The following DENND4B variants were observed in gnomAD, a reference collection of about 807,000 sequenced individuals.
DENND4B encodes the protein DENN domain-containing protein 4B.
Under a neutral mutation model 161.0 loss-of-function variants are expected in DENND4B, and 67 were observed. The observed-to-expected ratio is 0.42, with a 90% confidence interval of 0.34 to 0.51. The LOEUF (loss-of-function observed/expected upper bound fraction) is 0.51. Among genes scored for constraint, DENND4B ranks in the 20% least tolerant of loss-of-function variants. The pLI is 0.08. For missense variants in DENND4B, 1,481 were observed against 1,968.0 expected (o/e 0.75, Z 4.68); for synonymous variants, 753 against 813.8 (o/e 0.93, Z 1.27).
Position 153,933,098 on chromosome 1 carries a change from C to A in DENND4B, c.3454-68G>T. 1 of 1,610,190 alleles carries A rather than the reference C, an allele frequency of 6.2e-7. No individual in the cohort carries two copies. The highest frequency in any genetic ancestry group is 1.1e-5 in the South Asian group (1 of 90,882). On this transcript the variant is annotated intron_variant, in intron 21 of 27. Coordinates refer to ENST00000361217, the MANE Select transcript of DENND4B (RefSeq NM_014856.3). This position sits in a 1 kb window ranked among gnomAD's most constrained non-coding sequence, Gnocchi z 5.7. ...CAGCACTCTGGAGCCCATGCCCCTT[C>A]CCCAGCCCCTCCCACCTCCTCCCCA...
Position 153,946,300 on chromosome 1 carries a change from C to T in DENND4B, c.-24+1G>A. On this transcript the variant is annotated splice_donor_variant, in intron 1 of 27. Transcript: ENST00000361217. LOFTEE classifies it low-confidence loss of function (5UTR_SPLICE). The surrounding 1 kb of genome is among the most constrained non-coding windows in gnomAD (Gnocchi z 6.3). Reference sequence around the variant, plus strand: ...CCCAGCCCGGTCCAGCCCCTACCTGCCTGTCCCGCGCTTCCCGGCCGGCCG... The same window carrying T: ...CCCAGCCCGGTCCAGCCCCTACCTGTCTGTCCCGCGCTTCCCGGCCGGCCG... The T allele has an allele frequency of 2.8e-6, 1 of 355,554 alleles. No individual in the cohort carries two copies. The highest frequency in any genetic ancestry group is 5.0e-6 in the Non-Finnish European group (1 of 198,074). 22.0% of individuals were successfully genotyped at this position (355,554 alleles called of 1,614,324 possible).
Position 153,936,507 on chromosome 1 carries a change from G to A in DENND4B, c.2439+35C>T. On this transcript the variant is annotated intron_variant, in intron 16 of 27. Coordinates refer to ENST00000361217, the MANE Select transcript of DENND4B (RefSeq NM_014856.3). The surrounding 1 kb of genome is among the most constrained non-coding windows in gnomAD (Gnocchi z 4.1). ...TCTCCAGCTGCACAAGGCTCACTGGGCCTGGGTATGAGCATGGTCACATAG... is the reference window on the plus strand; with the variant it reads ...TCTCCAGCTGCACAAGGCTCACTGGACCTGGGTATGAGCATGGTCACATAG... 1 of 1,523,820 alleles carries A rather than the reference G, an allele frequency of 6.6e-7. No individual in the cohort carries two copies. The allele number at this position is 1,523,820 out of a possible 1,614,324, so 94.4% of individuals were successfully genotyped here. A position where few individuals can be genotyped will look rare whatever the true frequency, so the allele number is the denominator to read the frequency against.
In DENND4B at chr1:153,933,080, C is replaced by T; in HGVS notation, c.3454-50G>A. 1 of 1,610,706 alleles carries T rather than the reference C, an allele frequency of 6.2e-7. No individual in the cohort carries two copies. Among genetic ancestry groups the T allele is most frequent in the Non-Finnish European group, 8.5e-7 (1 of 1,177,706 alleles). ...TAGGTGCTGTCTGGCCGCCAGCACT[C>T]TGGAGCCCATGCCCCTTCCCCAGCC... On this transcript the variant is annotated intron_variant, in intron 21 of 27. Coordinates refer to ENST00000361217, the MANE Select transcript of DENND4B (RefSeq NM_014856.3). This position sits in a 1 kb window ranked among gnomAD's most constrained non-coding sequence, Gnocchi z 5.7.
intron 1 of DENND4B, chr1:153,945,182 A>C (rs1322237032): frequency 1.0e-5 from 13 of 1,289,186 alleles, no homozygotes; most frequent in Non-Finnish European, 1.2e-5. Flanking sequence ...AAGGGTCCTG[A>C]GGCGCCCCAG....
chr1:153,944,449 TG>T lies in DENND4B; in HGVS notation c.-23-53del. 1 of 1,480,244 alleles carries T rather than the reference TG, an allele frequency of 6.8e-7. No individual in the cohort carries two copies. Among genetic ancestry groups the T allele is most frequent in the Middle Eastern group, 1.8e-4 (1 of 5,660 alleles). 91.7% of individuals were successfully genotyped at this position (1,480,244 alleles called of 1,614,324 possible). On this transcript the variant is annotated intron_variant, in intron 1 of 27. Coordinates refer to ENST00000361217, the MANE Select transcript of DENND4B (RefSeq NM_014856.3). The surrounding 1 kb of genome is among the most constrained non-coding windows in gnomAD (Gnocchi z 4.8). ...GAAGCAAGGAAGGCTGGGGATGCCA[TG>T]GCAACCAGGGTACCCTCTTGCTCCC...
rs1418079173 is a variant in DENND4B, at chr1:153,934,932, T to C, written c.2601A>G (p.Thr867=). Residue 867 remains threonine, a synonymous_variant, in exon 18 of 28, where the codon ACA becomes ACG. Transcript: ENST00000361217. This position sits in a 1 kb window ranked among gnomAD's most constrained non-coding sequence, Gnocchi z 5.3. ...TGGCCCAGCGCAGACGCCCACCTGGTGTGCCAGACGGCCACTTGCTTTCCA... is the reference window on the plus strand; with the variant it reads ...TGGCCCAGCGCAGACGCCCACCTGGCGTGCCAGACGGCCACTTGCTTTCCA... ...AVLESKWPSG[T]PGGRLRWAKL... is the part of the protein sequence containing the mutation. 6.2e-7 allele frequency: 1 copy of C among 1,612,902 alleles called. No individual in the cohort carries two copies. Among genetic ancestry groups the C allele is most frequent in the Admixed American group, 1.7e-5 (1 of 60,012 alleles).
chr1:153,938,206 C>A (rs1344852863), intron 13 of DENND4B, among the ~76,000 whole-genome samples: 7 of 151,566 alleles, frequency 4.6e-5, no homozygotes, highest in African/African-American at 1.7e-4. Flanking sequence ...GCCAGGAGTT[C>A]GAGACCAGCC....
rs772936016 is a variant in DENND4B, at chr1:153,941,355, C to T, written c.1122+19G>A. The T allele has an allele frequency of 1.9e-6, 3 of 1,613,524 alleles. No individual in the cohort carries two copies. Among genetic ancestry groups the T allele is most frequent in the South Asian group, 1.1e-5 (1 of 90,994 alleles). ...AACTCCCCTCCTTCCATCAGCCCGG[C>T]CCCAGCCTCAGCTCTCACCTGCACT... On this transcript the variant is annotated intron_variant, in intron 7 of 27. Transcript: ENST00000361217.
chr1:153,938,530 G>A (rs1439041494), intron 13 of DENND4B, among the ~76,000 whole-genome samples: 8 of 151,196 alleles, frequency 5.3e-5, no homozygotes, highest in Non-Finnish European at 1.0e-4. Flanking sequence ...GTGAAACCCC[G>A]TCTCTACTAA....
In DENND4B at chr1:153,936,043, C is replaced by T; in HGVS notation, c.2568+17G>A. 1 of 1,612,360 alleles carries T rather than the reference C, an allele frequency of 6.2e-7. No individual in the cohort carries two copies. The highest frequency in any genetic ancestry group is 2.2e-5 in the East Asian group (1 of 44,746). ...CTGGCACAGCTGCCATCCCACCCCT[C>T]ACCCCAAAGTAGGTACCTTATTGTA... On this transcript the variant is annotated intron_variant, in intron 17 of 27. Coordinates refer to ENST00000361217, the MANE Select transcript of DENND4B (RefSeq NM_014856.3). The surrounding 1 kb of genome is among the most constrained non-coding windows in gnomAD (Gnocchi z 4.1).
chr1:153,933,485 C>T lies in DENND4B; in HGVS notation c.3328G>A (p.Glu1110Lys), dbSNP rs776216482. The T allele has an allele frequency of 5.1e-6, 8 of 1,561,700 alleles. 1 individual carries two copies. Among genetic ancestry groups the T allele is most frequent in the South Asian group, 4.9e-5 (4 of 82,438 alleles). Residue 1110 changes from glutamate (E) to lysine (K), a missense_variant and splice_region_variant, in exon 20 of 28, where the codon GAG (glutamate) becomes AAG (lysine). Around this residue, in one of 3 missense-constraint regions of DENND4B, gnomAD observed 336 missense variants for 503.3 expected, o/e 0.67. Transcript: ENST00000361217. The surrounding 1 kb of genome is among the most constrained non-coding windows in gnomAD (Gnocchi z 5.7). ...PRERPGSTASESSASLGSEWD... is the reference protein window; with the variant it reads ...PRERPGSTASKSSASLGSEWD... ...CTGGACCCTCCTTCACTGGCTACCT[C>T]GGAGGCAGTGGATCCAGGGCGCTCC...
chr1:153,937,972 C>G lies in DENND4B; in HGVS notation c.1966-109G>C. The G allele has an allele frequency of 6.6e-7, 1 of 1,505,204 alleles. No individual in the cohort carries two copies. Among genetic ancestry groups the G allele is most frequent in the Non-Finnish European group, 9.1e-7 (1 of 1,100,958 alleles). 93.2% of individuals were successfully genotyped at this position (1,505,204 alleles called of 1,614,324 possible). On this transcript the variant is annotated intron_variant, in intron 13 of 27. Transcript: ENST00000361217. The surrounding 1 kb of genome is among the most constrained non-coding windows in gnomAD (Gnocchi z 4.7). ...GAAAGCTCATCCACAAGGAAAGAGACACAGCCTGGGAAGATGGCGTCAGGA... is the reference window on the plus strand; with the variant it reads ...GAAAGCTCATCCACAAGGAAAGAGAGACAGCCTGGGAAGATGGCGTCAGGA...
chr1:153,931,179 G>T, intron 24 of DENND4B, 115 bp from the exon 25 acceptor site: 1 of 811,786 alleles, frequency 1.2e-6, no homozygotes. Context: ...CAGCCAAAGA[G>T]AAGTGGGAAA....
intron 17 of DENND4B, chr1:153,935,800 G>C: frequency 2.4e-6 from 1 of 413,534 alleles, no homozygotes; most frequent in East Asian, 4.9e-5. Flanking sequence ...TAAAATGTGT[G>C]ATGCGTATGG....
intron 6 of DENND4B, 105 bp downstream of exon 6, chr1:153,941,764 C>T: frequency 6.7e-7 from 1 of 1,492,200 alleles, no homozygotes; most frequent in South Asian, 1.3e-5. Context: ...CTGTCCCTTA[C>T]CCTGTGCCCA....
chr1:153,932,238 A>G lies in DENND4B; in HGVS notation c.3962T>C (p.Val1321Ala), dbSNP rs199615250. Residue 1321 changes from valine to alanine, a missense_variant, in exon 24 of 28, where the codon GTG becomes GCG. Val to Ala is a moderately conservative substitution (Grantham distance 64, BLOSUM62 0). Coordinates refer to ENST00000361217, the MANE Select transcript of DENND4B (RefSeq NM_014856.3). This position sits in a 1 kb window ranked among gnomAD's most constrained non-coding sequence, Gnocchi z 5.8. Reference sequence around the variant, plus strand: ...CGAAGGCCCATCACAGGAGGCCAGCACCAGGCCTGGTAGAATACTGGGCAG... The same window carrying G: ...CGAAGGCCCATCACAGGAGGCCAGCGCCAGGCCTGGTAGAATACTGGGCAG... Reference protein sequence around the residue: ...LRLPSILPGLVLASCDGPSHS... With the variant: ...LRLPSILPGLALASCDGPSHS... 71 of 1,613,946 alleles carry G rather than the reference A, an allele frequency of 4.4e-5. No individual in the cohort carries two copies. In the Middle Eastern group the frequency reaches 6.6e-4, roughly 15 times the overall value.
rs1679052442 is a variant in DENND4B at position 153,932,889 on chromosome 1, T to C, written c.3595A>G (p.Ser1199Gly). Residue 1199 changes from serine to glycine, a missense_variant, in exon 22 of 28, where the codon AGT becomes GGT. This residue lies in a region of DENND4B where 336 missense variants were observed against 503.3 expected (regional missense o/e 0.67). Transcript: ENST00000361217. This position sits in a 1 kb window ranked among gnomAD's most constrained non-coding sequence, Gnocchi z 5.8. ...FCACPFVPLL[S>G]VQTLDSRPSV... ...GGCCGGGAATCAAGGGTCTGGACAC[T>C]GAGCAGGGGCACAAAGGGGCAGGCG... 2 of 1,613,898 alleles carry C rather than the reference T, an allele frequency of 1.2e-6. No individual in the cohort carries two copies. The highest frequency in any genetic ancestry group is 1.7e-6 in the Non-Finnish European group (2 of 1,179,844).
chr1:153,946,408 C>T lies in DENND4B; in HGVS notation c.-131G>A. On this transcript the variant is annotated 5_prime_UTR_variant, in exon 1 of 28. Coordinates refer to ENST00000361217, the MANE Select transcript of DENND4B (RefSeq NM_014856.3). This position sits in a 1 kb window ranked among gnomAD's most constrained non-coding sequence, Gnocchi z 6.3. ...CCGGCCCCAGACATGGCGCACCCGA[C>T]TTGGGCGCCGCTCCCGCCCGGGCAG... The T allele has an allele frequency of 2.6e-6, 1 of 385,422 alleles. No homozygotes were observed. The highest frequency in any genetic ancestry group is 4.6e-6 in the Non-Finnish European group (1 of 217,448). 23.9% of individuals were successfully genotyped at this position (385,422 alleles called of 1,614,324 possible).
Position 153,936,691 on chromosome 1 carries a change from C to G in DENND4B, c.2290G>C (p.Ala764Pro). 6.2e-7 allele frequency: 1 copy of G among 1,611,992 alleles called. No homozygotes were observed. The highest frequency in any genetic ancestry group is 2.2e-5 in the East Asian group (1 of 44,846). Residue 764 changes from alanine (A) to proline (P), a missense_variant, in exon 16 of 28, where the codon GCC becomes CCC. By Grantham distance (27) the Ala-to-Pro change is conservative. Around this residue, in one of 3 missense-constraint regions of DENND4B, gnomAD observed 806 missense variants for 1,134.4 expected, o/e 0.71. Coordinates refer to ENST00000361217, the MANE Select transcript of DENND4B (RefSeq NM_014856.3). The surrounding 1 kb of genome is among the most constrained non-coding windows in gnomAD (Gnocchi z 4.1). ...QKSAAVPELW[A>P]RCLLGHCYGL... ...TAGCAGTGCCCCAGCAGGCACCGGG[C>G]CCACAGCTCAGGCACAGCTGCTGAC...
Sources: allele counts gnomAD v4.1 joint callset (sites outside exome capture counted in the v4.1 genomes callset), GRCh38; gene constraint gnomAD v4.1.1; regional missense constraint gnomAD v4.1.1; non-coding constraint Gnocchi (gnomAD v3.1); transcripts MANE v1.5; gene names NCBI Gene and HGNC (gene_info 2026-07-23, HGNC 2026-07-21).